The following MPRIP variants were observed in gnomAD, a reference collection of about 807,000 sequenced individuals.
MPRIP encodes the protein myosin phosphatase Rho-interacting protein.
MPRIP carries 59 observed loss-of-function variants against 234.9 expected under a neutral mutation model. The observed-to-expected ratio is 0.25, with a 90% CI of 0.20 to 0.31. The LOEUF (loss-of-function observed/expected upper bound fraction) is 0.31. Ranked by LOEUF, MPRIP falls within the 10% of genes least tolerant of loss-of-function variation. The pLI, the probability that MPRIP is intolerant of heterozygous loss-of-function variation, is 1.00. For missense variants in MPRIP, 2,436 were observed against 3,071.0 expected, an observed-to-expected ratio of 0.79 and a Z score of 4.89; for synonymous variants, 1,144 against 1,263.9, an observed-to-expected ratio of 0.91 and a Z score of 2.01.
intron 16 of MPRIP, among the ~76,000 whole-genome samples, chr17:17,169,415 A>G (rs533267511): frequency 6.6e-6 from 1 of 152,226 alleles, no homozygotes; most frequent in Non-Finnish European, 1.5e-5. Flanking sequence ...AGGTTAGCCA[A>G]CCAGGTGCAG....
intron 15 of MPRIP, 129 bp from the exon 16 acceptor site, chr17:17,163,980 T>G: frequency 9.0e-6 from 3 of 331,550 alleles, no homozygotes; most frequent in South Asian, 1.3e-4. Flanking sequence ...GAAAAAAAAA[T>G]AAAGTTGTAC....
At position 17,164,854 on chromosome 17, in the gene MPRIP, C is replaced by A. The variant is rs1469359086; in HGVS notation, c.3263C>A (p.Ala1088Glu). The change falls in exon 16 of 24, where the codon GCA becomes GAA. Residue 1088 changes from alanine to glutamate, a missense_variant. Ala to Glu is a moderately radical substitution (Grantham distance 107). Transcript: ENST00000651222. ...CACCAGCTGGAGGAGCAGCTGGAGG[C>A]ACGAGAGGCCAGCGTGCGCAGGCTC... ...QVHQLEEQLE[A>E]REASVRRLAE... 11 of 1,304,034 alleles carry A rather than the reference C, an allele frequency of 8.4e-6. No individual in the cohort carries two copies. The highest frequency in any genetic ancestry group is 1.1e-5 in the Non-Finnish European group (11 of 988,906). 80.8% of individuals were successfully genotyped at this position (1,304,034 alleles called of 1,614,324 possible).
At chr17:17,048,031 T>G (rs560824139) in intron 1 of MPRIP, among the ~76,000 whole-genome samples, 1 of 152,270 alleles carries the variant, frequency 6.6e-6, no homozygotes, top group African/African-American at 2.4e-5. Flanking sequence ...AGCTTCTACA[T>G]CCGCGTGTTG....
chr17:17,126,974 G>C (rs2090503164), intron 4 of MPRIP, 121 bp downstream of exon 4: 1 of 1,242,792 alleles, frequency 8.0e-7, no homozygotes, highest in African/African-American at 1.5e-5. Flanking sequence ...CTCTATTCTT[G>C]GGCTCTGTCT....
chr17:17,067,713 T>C, intron 1 of MPRIP, among the ~76,000 whole-genome samples: 1 of 152,016 alleles, frequency 6.6e-6, no homozygotes, highest in East Asian at 1.9e-4. Context: ...GTCATGTAAT[T>C]TGTTTGGTTT....
Position 17,075,770 on chromosome 17 carries a change from C to G in MPRIP, c.184C>G (p.Pro62Ala), listed in dbSNP as rs1332650737. 6.2e-7 allele frequency: 1 copy of G among 1,614,128 alleles called. No homozygotes were observed. The highest frequency in any genetic ancestry group is 8.5e-7 in the Non-Finnish European group (1 of 1,180,026). The change falls in exon 2 of 24, where the codon CCA becomes GCA. Residue 62 changes from proline (P) to alanine (A), a missense_variant. Coordinates refer to ENST00000651222, the MANE Select transcript of MPRIP (RefSeq NM_001364716.4). ...TCCAGATGGGACCGACTTTGACAAC[C>G]CAGTGCACCGGTCTCGGGTAAGGGC... Reference protein sequence around the residue: ...LAPDGTDFDNPVHRSRKWQRR... With the variant: ...LAPDGTDFDNAVHRSRKWQRR...
At position 17,174,012 on chromosome 17, in the gene MPRIP, G is replaced by A. The variant is rs914671489; in HGVS notation, c.6687G>A (p.Glu2229=). Residue 2229 remains glutamate, a synonymous_variant, in exon 19 of 24, where the codon GAG becomes GAA. Transcript: ENST00000651222. The part of the protein sequence containing the change: ...LENAHLAQAL[E]AERQALRQCQ... Reference sequence around the variant, plus strand: ...ATGCCCATCTGGCCCAGGCGCTGGAGGCCGAGCGGCAGGCCCTGCGGCAGT... The same window carrying A: ...ATGCCCATCTGGCCCAGGCGCTGGAAGCCGAGCGGCAGGCCCTGCGGCAGT... 15 of 1,613,566 alleles carry A rather than the reference G, an allele frequency of 9.3e-6. No homozygotes were observed. The highest frequency in any genetic ancestry group is 1.3e-5 in the African/African-American group (1 of 74,954).
intron 3 of MPRIP, among the ~76,000 whole-genome samples, chr17:17,101,754 C>G (rs574104240): frequency 5.3e-5 from 8 of 152,192 alleles, no homozygotes; most frequent in African/African-American, 1.7e-4. Context: ...GGAAAAGGCC[C>G]GTAGGGTAGG....
intron 1 of MPRIP, among the ~76,000 whole-genome samples, chr17:17,064,996 G>A (rs953569296): frequency 2.0e-5 from 3 of 152,090 alleles, no homozygotes; most frequent in Admixed American, 1.3e-4. Context: ...CCAGCATTTG[G>A]TGTTGTCACC....
At chr17:17,180,251 T>A (rs1230421269) in intron 23 of MPRIP, 163 bp downstream of exon 23, 1 of 638,152 alleles carries the variant, frequency 1.6e-6, no homozygotes, top group African/African-American at 1.8e-5. Flanking sequence ...TCTGGTGGCT[T>A]TGAGCTCTGT....
Position 17,189,449 on chromosome 17 carries a change from A to G in MPRIP, c.*4555A>G, listed in dbSNP as rs2046543095. The G allele has an allele frequency of 6.6e-6, 1 of 151,976 alleles. No homozygotes were observed. The highest frequency in any genetic ancestry group is 2.4e-5 in the African/African-American group (1 of 41,360). The allele number at this position is 151,976 out of a possible 1,614,324, so 9.4% of individuals were successfully genotyped here. On this transcript the variant is annotated 3_prime_UTR_variant, in exon 24 of 24. Transcript: ENST00000651222. ...CGTGATCCGCCTGTCTCGGCCTCCC[A>G]AAGTGCTGGGATTACAGGCGTGAGC...
At chr17:17,071,138 C>T (rs2089183003) in intron 1 of MPRIP, among the ~76,000 whole-genome samples, 1 of 152,216 alleles carries the variant, frequency 6.6e-6, no homozygotes, top group Non-Finnish European at 1.5e-5. Flanking sequence ...TCTGACACCA[C>T]CCTGGCCGGG....
intron 3 of MPRIP, among the ~76,000 whole-genome samples, chr17:17,114,496 T>G (rs2090241587): frequency 6.6e-6 from 1 of 152,224 alleles, no homozygotes; most frequent in Non-Finnish European, 1.5e-5. Context: ...AAATCCAGTG[T>G]TACAGGGCTT....
intron 1 of MPRIP, among the ~76,000 whole-genome samples, chr17:17,067,002 CCTG>C (rs1487899432): frequency 4.6e-5 from 7 of 152,036 alleles, no homozygotes; most frequent in Admixed American, 1.3e-4. Flanking sequence ...ATGCCATCCT[CCTG>C]CTTCAGCCTC....
intron 3 of MPRIP, among the ~76,000 whole-genome samples, chr17:17,125,812 A>G (rs1468404957): frequency 6.6e-6 from 1 of 152,146 alleles, no homozygotes; most frequent in African/African-American, 2.4e-5. Context: ...GAACAAGGAA[A>G]TGGTGGGCTG....
chr17:17,081,351 G>GA (rs2089458422), intron 3 of MPRIP, among the ~76,000 whole-genome samples: 3 of 152,184 alleles, frequency 2.0e-5, no homozygotes, highest in Non-Finnish European at 2.9e-5. Context: ...GTGTGGAGTT[G>GA]AACTACCAAC....
chr17:17,065,499 G>A (rs1248191386), intron 1 of MPRIP, among the ~76,000 whole-genome samples: 1 of 150,224 alleles, frequency 6.7e-6, no homozygotes, highest in Non-Finnish European at 1.5e-5. Context: ...GCATATTTGT[G>A]TTGGTTTATT....
intron 18 of MPRIP, 188 bp from the exon 19 acceptor site, chr17:17,173,728 G>C: frequency 1.4e-6 from 1 of 720,146 alleles, no homozygotes; most frequent in Middle Eastern, 3.1e-4. Context: ...CTGTGAGAAA[G>C]GACCAGGGAG....
chr17:17,094,068 T>C (rs1220506713), intron 3 of MPRIP, among the ~76,000 whole-genome samples: 1 of 152,190 alleles, frequency 6.6e-6, no homozygotes, highest in Non-Finnish European at 1.5e-5. Flanking sequence ...TCTTTCTCTC[T>C]CTCTCTTCCA....
Sources: allele counts gnomAD v4.1 joint callset (sites outside exome capture counted in the v4.1 genomes callset), GRCh38; gene constraint gnomAD v4.1.1; transcripts MANE v1.5; gene names NCBI Gene and HGNC (gene_info 2026-07-23, HGNC 2026-07-21).